CDYL2: variants seen among roughly 807,000 people sequenced by gnomAD.
The protein encoded by CDYL2 is chromodomain Y like 2, also known as chromodomain Y-like protein 2.
Under a neutral mutation model 49.4 loss-of-function variants are expected in CDYL2, and 23 were observed. That is an observed-to-expected ratio of 0.47 (90% CI 0.34 to 0.66). The LOEUF (loss-of-function observed/expected upper bound fraction) is 0.66. Among genes scored for constraint, CDYL2 ranks in the 30% least tolerant of loss-of-function variants. The probability of loss-of-function intolerance (pLI) is 0.01; values close to 1 mark genes in which losing one functional copy is unlikely to be tolerated. For synonymous variants in CDYL2, 360 were observed against 268.8 expected (o/e 1.34, Z -3.32); for missense variants, 678 against 656.4 (o/e 1.03, Z -0.36).
intron 2 of CDYL2, among the ~76,000 whole-genome samples, chr16:80,645,961 A>C (rs1908322466): frequency 7.7e-6 from 1 of 129,752 alleles, no homozygotes; most frequent in African/African-American, 3.0e-5. Flanking sequence ...CAGGAAGGGG[A>C]ACATCACACA....
chr16:80,694,260 G>A (rs1910534310), intron 1 of CDYL2, among the ~76,000 whole-genome samples: 1 of 152,206 alleles, frequency 6.6e-6, no homozygotes, highest in Admixed American at 6.5e-5. Flanking sequence ...CGGAGCTCAG[G>A]TGGTAATGCT....
intron 6 of CDYL2, among the ~76,000 whole-genome samples, chr16:80,605,071 C>T (rs889320867): frequency 1.0e-4 from 15 of 150,278 alleles, no homozygotes; most frequent in Non-Finnish European, 1.6e-4. Context: ...CCTTCATAAT[C>T]ATTATAGTAA....
chr16:80,603,558 T>G lies in CDYL2; in HGVS notation c.*830A>C, dbSNP rs188472739. On this transcript the variant is annotated 3_prime_UTR_variant, in exon 7 of 7. Coordinates refer to ENST00000570137, the MANE Select transcript of CDYL2 (RefSeq NM_152342.4). Reference sequence around the variant, plus strand: ...CTAAACTTTATTTCTACATGGTTCATTGCTAGAATGCACCAAACGGCATGA... The same window carrying G: ...CTAAACTTTATTTCTACATGGTTCAGTGCTAGAATGCACCAAACGGCATGA... 1 of 152,498 alleles carries G rather than the reference T, an allele frequency of 6.6e-6. No individual in the cohort carries two copies. The highest frequency in any genetic ancestry group is 2.4e-5 in the African/African-American group (1 of 41,440). 9.4% of individuals were successfully genotyped at this position (152,498 alleles called of 1,614,324 possible). A position where few individuals can be genotyped will look rare whatever the true frequency, so the allele number is the denominator to read the frequency against.
intron 1 of CDYL2, among the ~76,000 whole-genome samples, chr16:80,786,519 G>C (rs774030803): frequency 6.6e-6 from 1 of 152,224 alleles, no homozygotes; most frequent in Admixed American, 6.5e-5. Context: ...GTCGATGGGA[G>C]TGTAAATCAG....
chr16:80,733,599 G>C (rs1905410425), intron 1 of CDYL2, among the ~76,000 whole-genome samples: 1 of 152,134 alleles, frequency 6.6e-6, no homozygotes, highest in South Asian at 2.1e-4. Flanking sequence ...CTGAGCAAGA[G>C]GAAATGAAGT....
chr16:80,742,232 T>C (rs1905762330), intron 1 of CDYL2: 1 of 152,180 alleles, frequency 6.6e-6, no homozygotes, highest in Non-Finnish European at 1.5e-5. Flanking sequence ...TAAAGAAGCA[T>C]CAACATCAAC....
intron 3 of CDYL2, 98 bp from the exon 4 acceptor site, chr16:80,621,033 G>T: frequency 7.5e-7 from 1 of 1,339,378 alleles, no homozygotes; most frequent in Non-Finnish European, 9.9e-7. Context: ...CCCCCTGAGG[G>T]TAGAGGCCAG....
rs185855264 is a variant in CDYL2, at chr16:80,642,881, G to A, written c.617-9645C>T. Reference sequence around the variant, plus strand: ...CAATTCAAGATGAGATTTGAGTGGGGACACACAGTCAAACCATATTATTCC... The same window carrying A: ...CAATTCAAGATGAGATTTGAGTGGGAACACACAGTCAAACCATATTATTCC... On this transcript the variant is annotated intron_variant, in intron 2 of 6. Coordinates refer to ENST00000570137, the MANE Select transcript of CDYL2 (RefSeq NM_152342.4). 3.9e-3 allele frequency among the ~76,000 whole-genome samples: 589 copies of A among 152,136 alleles called. 1 individual carries two copies. Among genetic ancestry groups the A allele is most frequent in the African/African-American group, 0.014 (561 of 41,480 alleles).
chr16:80,760,588 G>A (rs556450933), intron 1 of CDYL2, among the ~76,000 whole-genome samples: 46 of 152,024 alleles, frequency 3.0e-4, no homozygotes, highest in Admixed American at 1.5e-3. Context: ...AAAACATCTC[G>A]TATACCCCAT....
intron 2 of CDYL2, among the ~76,000 whole-genome samples, chr16:80,679,337 G>C (rs951591490): frequency 1.3e-5 from 2 of 152,064 alleles, no homozygotes; most frequent in Non-Finnish European, 2.9e-5. Context: ...GTACCACCAA[G>C]CACTCCTGAC....
At chr16:80,683,241 T>TCA (rs1910040925) in intron 2 of CDYL2, among the ~76,000 whole-genome samples, 1 of 152,204 alleles carries the variant, frequency 6.6e-6, no homozygotes, top group African/African-American at 2.4e-5. Context: ...TTGTCCACAC[T>TCA]CCTGTAAGAT....
chr16:80,755,427 G>C (rs1906277812), intron 1 of CDYL2, among the ~76,000 whole-genome samples: 1 of 152,172 alleles, frequency 6.6e-6, no homozygotes, highest in Admixed American at 6.5e-5. Context: ...TCTGCAGAGA[G>C]ACCTGACATC....
chr16:80,681,546 TCAA>T (rs1909967755), intron 2 of CDYL2, among the ~76,000 whole-genome samples: 1 of 152,166 alleles, frequency 6.6e-6, no homozygotes, highest in African/African-American at 2.4e-5. Context: ...ACCACTCTCT[TCAA>T]CACTCTCCTT....
intron 1 of CDYL2, among the ~76,000 whole-genome samples, chr16:80,741,029 G>GAAAC (rs968796140): frequency 2.4e-4 from 37 of 151,196 alleles, no homozygotes; most frequent in African/African-American, 9.0e-4. Context: ...AGAAATTTCT[G>GAAAC]AAACAAACAA....
intron 1 of CDYL2, among the ~76,000 whole-genome samples, chr16:80,713,653 G>T (rs1366603321): frequency 6.6e-6 from 1 of 152,086 alleles, no homozygotes; most frequent in East Asian, 1.9e-4. Flanking sequence ...ATGTGACCTT[G>T]CTCCGCTTCC....
chr16:80,656,013 T>C (rs1206204401), intron 2 of CDYL2, among the ~76,000 whole-genome samples: 1 of 152,188 alleles, frequency 6.6e-6, no homozygotes, highest in African/African-American at 2.4e-5. Context: ...CATTTGCTAA[T>C]GGGAGAAGCA....
chr16:80,732,759 G>A (rs1478777980), intron 1 of CDYL2, among the ~76,000 whole-genome samples: 1 of 152,180 alleles, frequency 6.6e-6, no homozygotes, highest in Non-Finnish European at 1.5e-5. Flanking sequence ...TGAATTGGCA[G>A]ACTGTGATGT....
At chr16:80,793,875 C>G (rs1310228336) in intron 1 of CDYL2, among the ~76,000 whole-genome samples, 1 of 151,876 alleles carries the variant, frequency 6.6e-6, no homozygotes, top group Non-Finnish European at 1.5e-5. Flanking sequence ...TTAATGAGGC[C>G]CAAAGATGTC....
intron 2 of CDYL2, among the ~76,000 whole-genome samples, chr16:80,643,802 G>A (rs1908211924): frequency 6.6e-6 from 1 of 152,176 alleles, no homozygotes; most frequent in Admixed American, 6.5e-5. Flanking sequence ...CAGGACCCCG[G>A]GCCCAGCCTA....
Sources: allele counts gnomAD v4.1 joint callset (sites outside exome capture counted in the v4.1 genomes callset), GRCh38; gene constraint gnomAD v4.1.1; transcripts MANE v1.5; gene names NCBI Gene and HGNC (gene_info 2026-07-23, HGNC 2026-07-21).